The following LRTM3 variants were observed in gnomAD, a reference collection of about 807,000 sequenced individuals.
The protein encoded by LRTM3 is leucine rich repeat transmembrane protein 3, also known as leucine-rich repeat transmembrane protein 3.
chr13:102,748,530 C>G, the LRTM3 span: 1 of 1,550,706 alleles, frequency 6.4e-7, no homozygotes, highest in Non-Finnish European at 8.7e-7. Context: ...TGGGAATTTT[C>G]TGAACTTTGT....
the LRTM3 span, chr13:102,739,670 CT>C: frequency 6.5e-7 from 1 of 1,550,234 alleles, no homozygotes; most frequent in Non-Finnish European, 8.7e-7. Flanking sequence ...GATGTTAGGG[CT>C]TTTTATTCTT....
chr13:102,731,827 G>A, the LRTM3 span: 3 of 1,549,296 alleles, frequency 1.9e-6, no homozygotes, highest in Non-Finnish European at 2.6e-6. Flanking sequence ...CCCTTTGCTT[G>A]GGTAACTTTG....
the LRTM3 span, among the ~76,000 whole-genome samples, chr13:102,755,566 G>A: frequency 1.3e-4 from 20 of 152,050 alleles, no homozygotes. Flanking sequence ...ACCAAACACC[G>A]CATGTTCTCA....
chr13:102,753,572 A>G, the LRTM3 span, among the ~76,000 whole-genome samples: 1 of 152,066 alleles, frequency 6.6e-6, no homozygotes, highest in Non-Finnish European at 1.5e-5. Context: ...TCTGCGAGTC[A>G]AGGAGAAACA....
At chr13:102,746,052 T>A in the LRTM3 span, 8 of 1,551,062 alleles carry the variant, frequency 5.2e-6, no homozygotes, top group Admixed American at 2.0e-5. Context: ...AGGACTTTTA[T>A]GTCATTTTCT....
chr13:102,753,501 A>C, the LRTM3 span, among the ~76,000 whole-genome samples: 6 of 151,998 alleles, frequency 3.9e-5, no homozygotes, highest in African/African-American at 1.2e-4. Flanking sequence ...AATTAAAAAA[A>C]AAAAAAAGAA....
the LRTM3 span, chr13:102,740,472 G>T: frequency 5.2e-6 from 8 of 1,549,896 alleles, no homozygotes; most frequent in African/African-American, 8.2e-5. Flanking sequence ...TACTTTTGAG[G>T]GCAAGATATA....
chr13:102,753,937 G>A, the LRTM3 span, among the ~76,000 whole-genome samples: 9 of 152,096 alleles, frequency 5.9e-5, no homozygotes, highest in East Asian at 3.9e-4. Context: ...CAGGCTGGGC[G>A]GGGTGGCTCA....
the LRTM3 span, chr13:102,744,788 T>G: frequency 6.4e-7 from 1 of 1,550,698 alleles, no homozygotes; most frequent in South Asian, 1.2e-5. Flanking sequence ...AGATCCACTT[T>G]CCATGTCAGT....
the LRTM3 span, chr13:102,736,283 C>T: frequency 1.9e-6 from 3 of 1,550,944 alleles, no homozygotes; most frequent in South Asian, 1.2e-5. Context: ...CTCTTTCATG[C>T]CCCACTGTGG....
chr13:102,758,951 A>T, the LRTM3 span: 1 of 1,376,400 alleles, frequency 7.3e-7, no homozygotes, highest in Non-Finnish European at 1.0e-6. Context: ...CATATGTGAA[A>T]GAGACTGGTG....
At chr13:102,732,522 T>C in the LRTM3 span, 2 of 1,551,264 alleles carry the variant, frequency 1.3e-6, no homozygotes, top group South Asian at 2.4e-5. Context: ...AGAACATTTC[T>C]TTGAAATAAT....
chr13:102,746,013 C>A, the LRTM3 span: 1 of 1,551,148 alleles, frequency 6.4e-7, no homozygotes, highest in African/African-American at 1.4e-5. Context: ...GCCTGTAAAG[C>A]TTTGGGAGGT....
At chr13:102,744,091 T>C in the LRTM3 span, 859 of 1,550,672 alleles carry the variant, frequency 5.5e-4, 8 homozygotes, top group African/African-American at 0.01. Flanking sequence ...GTAATGCCTC[T>C]CCTATACTTG....
At chr13:102,734,638 G>A in the LRTM3 span, 1 of 1,550,834 alleles carries the variant, frequency 6.4e-7, no homozygotes, top group Non-Finnish European at 8.7e-7. Context: ...CATCTTTTGG[G>A]ATATCACCAA....
the LRTM3 span, chr13:102,750,506 T>C: frequency 1.6e-6 from 1 of 611,072 alleles, no homozygotes. Context: ...TAGAGATAAA[T>C]TGGAAAATCA....
the LRTM3 span, chr13:102,747,591 C>A: frequency 1.3e-6 from 2 of 1,551,114 alleles, no homozygotes; most frequent in Non-Finnish European, 1.7e-6. Context: ...ATATGACTAT[C>A]CGTTGTCTTT....
chr13:102,739,749 T>C, the LRTM3 span: 1 of 1,549,270 alleles, frequency 6.5e-7, no homozygotes, highest in Non-Finnish European at 8.7e-7. Context: ...CTTTTAACAT[T>C]ACTTGAGATC....
chr13:102,742,263 T>G, the LRTM3 span: 1,226,744 of 1,550,028 alleles, frequency 0.79, 489,310 homozygotes, highest in South Asian at 0.86. Context: ...TGGGAAACTG[T>G]TATTCTTTTT....
Sources: allele counts gnomAD v4.1 joint callset (sites outside exome capture counted in the v4.1 genomes callset), GRCh38; gene constraint gnomAD v4.1.1; transcripts MANE v1.5; gene names NCBI Gene and HGNC (gene_info 2026-07-23, HGNC 2026-07-21).